DUSP14: variants seen among roughly 807,000 people sequenced by gnomAD.
DUSP14 encodes dual specificity protein phosphatase 14.
A neutral mutation model predicts 13.2 loss-of-function variants in DUSP14; 5 were observed. That is an observed-to-expected ratio of 0.38 (90% CI 0.20 to 0.80). The LOEUF is 0.80. Among genes scored for constraint, DUSP14 ranks in the 30% least tolerant of loss-of-function variants. DUSP14 has a pLI of 0.44. For missense variants in DUSP14, 185 were observed against 264.0 expected, an observed-to-expected ratio of 0.70 and a Z score of 2.07; for synonymous variants, 91 against 103.4, an observed-to-expected ratio of 0.88 and a Z score of 0.73.
At chr17:37,493,613 A>G (rs1323649083) in intron 1 of DUSP14, among the ~76,000 whole-genome samples, 1 of 151,266 alleles carries the variant, frequency 6.6e-6, no homozygotes, top group African/African-American at 2.4e-5. Flanking sequence ...CCCAAATACC[A>G]GAAATGGTTT....
intron 1 of DUSP14, among the ~76,000 whole-genome samples, chr17:37,502,932 G>A (rs2054114457): frequency 6.6e-6 from 1 of 152,112 alleles, no homozygotes; most frequent in Non-Finnish European, 1.5e-5. Flanking sequence ...GTGCAGTGGC[G>A]CCATCGTAGC....
chr17:37,490,756 T>C (rs1170443529), intron 1 of DUSP14, among the ~76,000 whole-genome samples: 1 of 152,100 alleles, frequency 6.6e-6, no homozygotes, highest in Non-Finnish European at 1.5e-5. Flanking sequence ...TCCGGACATT[T>C]AGTGTGTGTT....
intron 1 of DUSP14, among the ~76,000 whole-genome samples, chr17:37,490,745 C>T (rs1365225394): frequency 6.6e-6 from 1 of 151,974 alleles, no homozygotes; most frequent in Non-Finnish European, 1.5e-5. Context: ...CCAGCAGGAC[C>T]TCCGGACATT....
chr17:37,502,221 C>G (rs1190431681), intron 1 of DUSP14, among the ~76,000 whole-genome samples: 1 of 151,662 alleles, frequency 6.6e-6, no homozygotes, highest in Non-Finnish European at 1.5e-5. Context: ...TTGCTCTGTT[C>G]CCCAGGCTGG....
intron 1 of DUSP14, among the ~76,000 whole-genome samples, chr17:37,501,998 T>C (rs1012892078): frequency 5.3e-5 from 8 of 152,228 alleles, no homozygotes; most frequent in South Asian, 2.1e-4. Context: ...CTTACTGTTA[T>C]TCAGTTGTTT....
upstream of DUSP14, chr17:37,489,695 T>A (rs750466237): frequency 6.6e-6 from 1 of 151,636 alleles, no homozygotes; most frequent in East Asian, 1.9e-4. Flanking sequence ...CCTCGGGAGC[T>A]AGGGCGCGCC....
intron 1 of DUSP14, among the ~76,000 whole-genome samples, chr17:37,498,680 T>TTTG (rs780742933): frequency 7.2e-6 from 1 of 138,900 alleles, no homozygotes; most frequent in Non-Finnish European, 1.5e-5. Context: ...TAATCAGTTT[T>TTTG]TTTTTTTTTT....
chr17:37,491,987 G>A (rs1017204365), intron 1 of DUSP14, among the ~76,000 whole-genome samples: 2 of 152,188 alleles, frequency 1.3e-5, no homozygotes, highest in Admixed American at 1.3e-4. Context: ...ATAAATGTCC[G>A]TTTGCACAAA....
At chr17:37,505,793 A>T (rs2054134055) in intron 1 of DUSP14, among the ~76,000 whole-genome samples, 1 of 152,172 alleles carries the variant, frequency 6.6e-6, no homozygotes, top group Non-Finnish European at 1.5e-5. Flanking sequence ...TACAAGGCTG[A>T]TGCCCGCATC....
chr17:37,490,329 C>T (rs1472370999), intron 1 of DUSP14, among the ~76,000 whole-genome samples: 5 of 152,174 alleles, frequency 3.3e-5, no homozygotes, highest in Non-Finnish European at 7.4e-5. Context: ...CCTACTCTCG[C>T]TGGCATCCAC....
At position 37,512,979 on chromosome 17, in the gene DUSP14, T is replaced by A; in HGVS notation, c.*110T>A. 1.1e-6 allele frequency: 1 copy of A among 931,574 alleles called. No homozygotes were observed. Among genetic ancestry groups the A allele is most frequent in the East Asian group, 2.4e-5 (1 of 41,086 alleles). 57.7% of individuals were successfully genotyped at this position (931,574 alleles called of 1,614,324 possible). A position where few individuals can be genotyped will look rare whatever the true frequency, so the allele number is the denominator to read the frequency against. On this transcript the variant is annotated 3_prime_UTR_variant, in exon 3 of 3. Transcript: ENST00000617516. The surrounding 1 kb of genome is among the most constrained non-coding windows in gnomAD (Gnocchi z 4.8). Reference sequence around the variant, plus strand: ...GGCTGACTTCTGGTTCTCCCTCAAGTGTTTTTTACACTGGGTGTTCAAATT... The same window carrying A: ...GGCTGACTTCTGGTTCTCCCTCAAGAGTTTTTTACACTGGGTGTTCAAATT...
At chr17:37,499,583 A>T (rs879734034) in intron 1 of DUSP14, among the ~76,000 whole-genome samples, 1 of 151,818 alleles carries the variant, frequency 6.6e-6, no homozygotes, top group Non-Finnish European at 1.5e-5. Flanking sequence ...GGCTGGAGTG[A>T]ACTGGCGCGA....
chr17:37,490,447 C>T (rs712039), intron 1 of DUSP14, among the ~76,000 whole-genome samples: 54,666 of 152,122 alleles, frequency 0.36, 11,070 homozygotes, highest in East Asian at 0.55. Flanking sequence ...GAGTCTTTCT[C>T]TGCGGTGGTA....
chr17:37,498,795 T>C (rs1044928311), intron 1 of DUSP14, among the ~76,000 whole-genome samples: 29 of 152,228 alleles, frequency 1.9e-4, no homozygotes, highest in African/African-American at 5.3e-4. Context: ...ATTTTTAGAT[T>C]CCTTCTAAAA....
In DUSP14 at chr17:37,511,585, C is replaced by CTTTTTTTTTTTTTTTTTTTTTTTTTT. The variant is rs533256343; in HGVS notation, c.-92-578_-92-577insTTTTTTTTTTTTTTTTTTTTTTTTTT. Among the ~76,000 whole-genome samples, 4 of 87,312 alleles carry CTTTTTTTTTTTTTTTTTTTTTTTTTT rather than the reference C, an allele frequency of 4.6e-5. 1 individual carries two copies. The highest frequency in any genetic ancestry group is 2.1e-4 in the African/African-American group (4 of 19,070). The allele number at this position is 87,312 out of a possible 152,430, so 57.3% of individuals were successfully genotyped here. Reference sequence around the variant, plus strand: ...CATGAGCTACCTCACCTGGCCTTTCCTTTTTTTTTTTTTTTTTTAGAAGCT... The same window carrying CTTTTTTTTTTTTTTTTTTTTTTTTTT: ...CATGAGCTACCTCACCTGGCCTTTCCTTTTTTTTTTTTTTTTTTTTTTTTTTTTTTTTTTTTTTTTTTTTAGAAGCT... On this transcript the variant is annotated intron_variant, in intron 2 of 2. Coordinates refer to ENST00000617516, the MANE Select transcript of DUSP14 (RefSeq NM_007026.4).
chr17:37,495,500 CTT>C (rs1283623407), intron 1 of DUSP14, among the ~76,000 whole-genome samples: 1 of 152,116 alleles, frequency 6.6e-6, no homozygotes, highest in Non-Finnish European at 1.5e-5. Context: ...ACTCCTATGT[CTT>C]TGAGTGTGTG....
upstream of DUSP14, among the ~76,000 whole-genome samples, chr17:37,489,115 T>C (rs988223312): frequency 1.3e-5 from 2 of 152,130 alleles, no homozygotes; most frequent in African/African-American, 4.8e-5. Flanking sequence ...CACCGACTTA[T>C]GTTACAGATG....
chr17:37,510,399 GTC>G (rs960714202), intron 1 of DUSP14: 3 of 152,208 alleles, frequency 2.0e-5, no homozygotes, highest in Non-Finnish European at 4.4e-5. Flanking sequence ...ATAGGTTGTG[GTC>G]TCTGAGTCTC....
rs142704651 is a variant in DUSP14 at position 37,511,701 on chromosome 17, C to T, written c.-92-480C>T. Among the ~76,000 whole-genome samples, 31 of 149,324 alleles carry T rather than the reference C, an allele frequency of 2.1e-4. No individual in the cohort carries two copies. In the East Asian group the frequency reaches 6.1e-3, roughly 30 times the overall value. On this transcript the variant is annotated intron_variant, in intron 2 of 2. Transcript: ENST00000617516. The stretch of plus-strand genomic sequence containing the variant: ...CTCCCAGGCTCAAGTGATCTGCCCA[C>T]CTCAGTCTCCTGAGTAGCTGGGACT...
Sources: allele counts gnomAD v4.1 joint callset (sites outside exome capture counted in the v4.1 genomes callset), GRCh38; gene constraint gnomAD v4.1.1; non-coding constraint Gnocchi (gnomAD v3.1); transcripts MANE v1.5; gene names NCBI Gene and HGNC (gene_info 2026-07-23, HGNC 2026-07-21).